PLEKHM3: variants seen among roughly 807,000 people sequenced by gnomAD.
PLEKHM3 encodes the protein pleckstrin homology domain containing M3.
PLEKHM3 carries 45 observed loss-of-function variants against 81.8 expected under a neutral mutation model. That is an observed-to-expected ratio of 0.55 (90% CI 0.43 to 0.71). The LOEUF (loss-of-function observed/expected upper bound fraction) is 0.71, where lower values mean the gene tolerates loss of function less well. Among genes scored for constraint, PLEKHM3 ranks in the 30% least tolerant of loss-of-function variants. PLEKHM3 has a pLI of 0.00. For synonymous variants in PLEKHM3, 352 were observed against 356.4 expected (o/e 0.99, Z 0.14); for missense variants, 788 against 924.3 (o/e 0.85, Z 1.91).
At chr2:207,866,790 C>T (rs1193205011) in intron 6 of PLEKHM3, among the ~76,000 whole-genome samples, 1 of 152,190 alleles carries the variant, frequency 6.6e-6, no homozygotes, top group Non-Finnish European at 1.5e-5. Context: ...TCTACCCTGT[C>T]TTGATCTAGA....
At chr2:208,008,314 T>C (rs1574487846) in intron 1 of PLEKHM3, among the ~76,000 whole-genome samples, 1 of 151,866 alleles carries the variant, frequency 6.6e-6, no homozygotes, top group East Asian at 1.9e-4. Context: ...GTAGAAACTC[T>C]GGTAAATAGT....
intron 5 of PLEKHM3, among the ~76,000 whole-genome samples, chr2:207,912,162 G>A (rs1688830744): frequency 6.6e-6 from 1 of 152,030 alleles, no homozygotes; most frequent in Non-Finnish European, 1.5e-5. Flanking sequence ...TACTAGGCAG[G>A]GTCCTTCTTG....
chr2:207,871,296 T>C (rs187879073), intron 6 of PLEKHM3, among the ~76,000 whole-genome samples: 181 of 152,334 alleles, frequency 1.2e-3, no homozygotes, highest in African/African-American at 3.8e-3. Flanking sequence ...CAATCCATTA[T>C]GGGACTACTC....
chr2:207,949,559 AAAAG>A (rs1446858443), intron 3 of PLEKHM3, among the ~76,000 whole-genome samples: 9 of 152,220 alleles, frequency 5.9e-5, no homozygotes, highest in African/African-American at 1.7e-4. Flanking sequence ...AAATTTTTTA[AAAAG>A]AAAGAAAGAA....
chr2:207,890,607 G>A (rs535900822), intron 6 of PLEKHM3, among the ~76,000 whole-genome samples: 1 of 152,216 alleles, frequency 6.6e-6, no homozygotes, highest in East Asian at 1.9e-4. Context: ...CAGCCTGGGT[G>A]ACAGAGAGAA....
rs749036448 is a variant in PLEKHM3 at position 207,931,056 on chromosome 2, G to C, written c.1756C>G (p.Gln586Glu). Residue 586 changes from glutamine (Q) to glutamate (E), a missense_variant, in exon 5 of 8, where the codon CAG (glutamine) becomes GAG (glutamate). Transcript: ENST00000427836. ...VYEEPLIDIQ[Q>E]ENAMLYHHAE... ...TGGTGGTACAGCATGGCGTTCTCCT[G>C]CTGGATGTCGATGAGCGGCTCTTCG... is the stretch of plus-strand genomic sequence containing the variant. 6.2e-7 allele frequency: 1 copy of C among 1,614,088 alleles called. No homozygotes were observed. The highest frequency in any genetic ancestry group is 1.1e-5 in the South Asian group (1 of 91,076).
intron 5 of PLEKHM3, among the ~76,000 whole-genome samples, chr2:207,915,036 C>T (rs1181812573): frequency 6.6e-6 from 1 of 152,224 alleles, no homozygotes; most frequent in Non-Finnish European, 1.5e-5. Context: ...GCAGGTAGCA[C>T]TACCGAGTTT....
intron 5 of PLEKHM3, among the ~76,000 whole-genome samples, chr2:207,923,260 G>A (rs1466672597): frequency 1.3e-5 from 2 of 152,120 alleles, no homozygotes; most frequent in Non-Finnish European, 2.9e-5. Flanking sequence ...GAGGAGGGGT[G>A]CCATGGGGAG....
At chr2:207,980,517 T>C (rs998129199) in intron 2 of PLEKHM3, among the ~76,000 whole-genome samples, 1 of 152,184 alleles carries the variant, frequency 6.6e-6, no homozygotes, top group Non-Finnish European at 1.5e-5. Context: ...GTACATTAAA[T>C]TGAAACAGAA....
intron 2 of PLEKHM3, among the ~76,000 whole-genome samples, chr2:207,978,489 G>T (rs1200055700): frequency 1.3e-5 from 2 of 152,120 alleles, no homozygotes; most frequent in Non-Finnish European, 2.9e-5. Flanking sequence ...GCGAGGAAGG[G>T]TCAATGAATA....
chr2:207,995,277 T>G (rs1488895588), intron 2 of PLEKHM3, among the ~76,000 whole-genome samples: 1 of 152,196 alleles, frequency 6.6e-6, no homozygotes, highest in Non-Finnish European at 1.5e-5. Context: ...ATGCCTCAGT[T>G]TTTCTGAACC....
chr2:207,845,177 A>C (rs765339132), intron 7 of PLEKHM3, among the ~76,000 whole-genome samples: 1 of 152,250 alleles, frequency 6.6e-6, no homozygotes, highest in Admixed American at 6.5e-5. Flanking sequence ...TACATTAGAT[A>C]CTTAAAAAAG....
chr2:207,940,724 G>C (rs540171859), intron 4 of PLEKHM3, among the ~76,000 whole-genome samples: 2 of 152,334 alleles, frequency 1.3e-5, no homozygotes, highest in Non-Finnish European at 2.9e-5. Flanking sequence ...GAGAGAGCCA[G>C]CAATGCAGTC....
At chr2:208,002,741 G>C (rs1051950079) in intron 1 of PLEKHM3, among the ~76,000 whole-genome samples, 3 of 152,058 alleles carry the variant, frequency 2.0e-5, no homozygotes, top group African/African-American at 7.2e-5. Context: ...TCAAACACTA[G>C]ATTACCAAGA....
chr2:207,931,042 C>T lies in PLEKHM3; in HGVS notation c.1770G>A (p.Met590Ile). The change falls in exon 5 of 8, where the codon ATG (methionine) becomes ATA (isoleucine). Residue 590 changes from methionine (M) to isoleucine (I), a missense_variant. Transcript: ENST00000427836. ...PLIDIQQENA[M>I]LYHHAEPLAA... is the part of the protein sequence containing the mutation. ...CCAGCGGCTCTGCGTGGTGGTACAG[C>T]ATGGCGTTCTCCTGCTGGATGTCGA... 6.2e-7 allele frequency: 1 copy of T among 1,614,136 alleles called. No individual in the cohort carries two copies. Among genetic ancestry groups the T allele is most frequent in the South Asian group, 1.1e-5 (1 of 91,078 alleles).
intron 6 of PLEKHM3, among the ~76,000 whole-genome samples, chr2:207,872,812 G>A (rs1423881484): frequency 6.6e-6 from 1 of 152,068 alleles, no homozygotes; most frequent in East Asian, 1.9e-4. Flanking sequence ...GGGCAACAGA[G>A]TGAGACTCCG....
intron 7 of PLEKHM3, among the ~76,000 whole-genome samples, chr2:207,837,632 C>T (rs1411041986): frequency 4.7e-5 from 5 of 106,002 alleles, no homozygotes; most frequent in South Asian, 3.3e-4. Context: ...ATAGTTCTCC[C>T]TTTTTTTTTT....
intron 6 of PLEKHM3, among the ~76,000 whole-genome samples, chr2:207,883,894 C>G (rs899792086): frequency 2.6e-5 from 4 of 152,158 alleles, no homozygotes; most frequent in Non-Finnish European, 5.9e-5. Flanking sequence ...AGTTTAACAT[C>G]TGAAAATCAA....
intron 1 of PLEKHM3, among the ~76,000 whole-genome samples, chr2:208,017,995 C>T (rs1344825197): frequency 6.6e-6 from 1 of 152,136 alleles, no homozygotes; most frequent in Admixed American, 6.5e-5. Context: ...GCCCATAACC[C>T]TCTTATCTAG....
Sources: gnomAD v4.1 joint callset for allele counts (sites outside exome capture counted in the v4.1 genomes callset) on GRCh38, gnomAD v4.1.1 for gene constraint, MANE v1.5 for transcripts, NCBI Gene and HGNC (gene_info 2026-07-23, HGNC 2026-07-21) for gene names.